NEGR1: variants seen among roughly 807,000 people sequenced by gnomAD.
NEGR1 encodes the protein IgLON family member 4.
NEGR1 carries 10 observed loss-of-function variants against 40.9 expected under a neutral mutation model. The observed-to-expected ratio is 0.24, with a 90% CI of 0.15 to 0.42. The LOEUF is 0.42. Among genes scored for constraint, NEGR1 ranks in the 10% least tolerant of loss-of-function variants. The pLI, the probability that NEGR1 is intolerant of heterozygous loss-of-function variation, is 1.00. For synonymous variants in NEGR1, 185 were observed against 166.8 expected (o/e 1.11, Z -0.84); for missense variants, 352 against 438.9 (o/e 0.80, Z 1.77).
chr1:71,523,671 C>T (rs1046102508), intron 6 of NEGR1, among the ~76,000 whole-genome samples: 26 of 151,884 alleles, frequency 1.7e-4, no homozygotes, highest in Admixed American at 4.6e-4. Flanking sequence ...AACAGGAAGG[C>T]TCTCCTGCCT....
chr1:71,754,958 G>A (rs1655684130), intron 3 of NEGR1, among the ~76,000 whole-genome samples: 1 of 152,078 alleles, frequency 6.6e-6, no homozygotes, highest in African/African-American at 2.4e-5. Context: ...GCCTGCTTGG[G>A]ACAGATTTAC....
rs372490571 is a variant in NEGR1 at position 71,509,161 on chromosome 1, A to T, written c.940+83656T>A. On this transcript the variant is annotated intron_variant, in intron 6 of 6. Coordinates refer to ENST00000357731, the MANE Select transcript of NEGR1 (RefSeq NM_173808.3). ...CCCTCAGGAAGAGTAACTGCTATGC[A>T]TGTGCTGTGAGATGACCTCAGCCAC... 1.8e-4 allele frequency among the ~76,000 whole-genome samples: 27 copies of T among 152,320 alleles called. No individual in the cohort carries two copies. In the South Asian group the frequency reaches 5.0e-3, roughly 28 times the overall value.
chr1:71,958,758 C>A (rs183336232), intron 1 of NEGR1, among the ~76,000 whole-genome samples: 98 of 152,122 alleles, frequency 6.4e-4, no homozygotes, highest in Non-Finnish European at 4.3e-4. Flanking sequence ...TTGAGACCGG[C>A]CTGGCCAACA....
chr1:71,886,794 G>T (rs1011006420), intron 2 of NEGR1, among the ~76,000 whole-genome samples: 2 of 152,150 alleles, frequency 1.3e-5, no homozygotes, highest in African/African-American at 4.8e-5. Context: ...ATAGGGAAGA[G>T]AGGGATGCTA....
Position 71,705,627 on chromosome 1 carries a change from G to C in NEGR1, c.536-7488C>G, listed in dbSNP as rs183421388. 9.2e-5 allele frequency among the ~76,000 whole-genome samples: 14 copies of C among 152,238 alleles called. No homozygotes were observed. The East Asian group carries it at 2.5e-3, about 27-fold the overall frequency. On this transcript the variant is annotated intron_variant, in intron 3 of 6. Transcript: ENST00000357731. ...CCCAGCTACTCAGGAGGCTGAGGTG[G>C]GAAAATGGCGCGAACCCAGGAGGCA...
At chr1:71,428,688 T>C (rs1646445460) in intron 6 of NEGR1, among the ~76,000 whole-genome samples, 1 of 149,912 alleles carries the variant, frequency 6.7e-6, no homozygotes, top group African/African-American at 2.4e-5. Context: ...TATTTTATTA[T>C]ATAAATTTAT....
chr1:72,263,086 G>T (rs1188249480), intron 1 of NEGR1, among the ~76,000 whole-genome samples: 1 of 151,590 alleles, frequency 6.6e-6, no homozygotes, highest in Non-Finnish European at 1.5e-5. Context: ...TCTGAGTGTA[G>T]AAGTCATCTA....
chr1:71,505,042 A>G (rs1166671032), intron 6 of NEGR1, among the ~76,000 whole-genome samples: 1 of 152,160 alleles, frequency 6.6e-6, no homozygotes, highest in African/African-American at 2.4e-5. Context: ...AACCAGGACA[A>G]GTAGTTTGCA....
chr1:72,145,689 G>A (rs1227104546), intron 1 of NEGR1, among the ~76,000 whole-genome samples: 1 of 152,008 alleles, frequency 6.6e-6, no homozygotes, highest in African/African-American at 2.4e-5. Flanking sequence ...GATATCCTAG[G>A]ATAATTGTTT....
chr1:71,738,300 G>T, intron 3 of NEGR1: 1 of 250,540 alleles, frequency 4.0e-6, no homozygotes, highest in Admixed American at 4.5e-5. Context: ...GCCCTGCCAT[G>T]CAGCTGAAAG....
intron 6 of NEGR1, among the ~76,000 whole-genome samples, chr1:71,533,828 G>A (rs1023963453): frequency 5.3e-5 from 8 of 151,496 alleles, no homozygotes; most frequent in African/African-American, 1.9e-4. Context: ...CAATGCTAAA[G>A]GATATTAACA....
intron 1 of NEGR1, among the ~76,000 whole-genome samples, chr1:72,068,473 C>A (rs899916446): frequency 6.6e-6 from 1 of 152,156 alleles, no homozygotes; most frequent in Non-Finnish European, 1.5e-5. Context: ...AAACCTTTCT[C>A]CTGCAAAAAC....
chr1:71,594,623 A>T (rs1157726336), intron 5 of NEGR1, among the ~76,000 whole-genome samples: 1 of 152,234 alleles, frequency 6.6e-6, no homozygotes, highest in African/African-American at 2.4e-5. Context: ...CTGACATAAG[A>T]TAATGGGGCA....
At chr1:71,584,674 G>A (rs192594794) in intron 6 of NEGR1, among the ~76,000 whole-genome samples, 176 of 152,214 alleles carry the variant, frequency 1.2e-3, no homozygotes, top group African/African-American at 3.6e-3. Context: ...CACAGTGCAC[G>A]CTTGATAAGT....
At chr1:71,798,460 A>G (rs570531364) in intron 2 of NEGR1, among the ~76,000 whole-genome samples, 5 of 152,364 alleles carry the variant, frequency 3.3e-5, no homozygotes, top group Admixed American at 1.3e-4. Context: ...ATGTAATAAA[A>G]GAACAGGATA....
chr1:71,990,282 C>T (rs772028273), intron 1 of NEGR1, among the ~76,000 whole-genome samples: 5 of 152,046 alleles, frequency 3.3e-5, no homozygotes, highest in Admixed American at 6.6e-5. Context: ...TTTGCTGAAG[C>T]GCCTCAACAA....
intron 4 of NEGR1, among the ~76,000 whole-genome samples, chr1:71,634,706 A>T (rs1017076801): frequency 6.6e-6 from 1 of 152,126 alleles, no homozygotes; most frequent in African/African-American, 2.4e-5. Context: ...GAGTCACTCC[A>T]CATTACTGTG....
intron 4 of NEGR1, among the ~76,000 whole-genome samples, chr1:71,645,212 A>G (rs1377229932): frequency 6.6e-6 from 1 of 152,012 alleles, no homozygotes. Flanking sequence ...TTTTAGAGGA[A>G]CCACACACTT....
intron 6 of NEGR1, among the ~76,000 whole-genome samples, chr1:71,524,589 A>C (rs1377953371): frequency 6.6e-6 from 1 of 151,622 alleles, no homozygotes; most frequent in Non-Finnish European, 1.5e-5. Flanking sequence ...TGTAGAAAAA[A>C]GGAAGTATTT....
Sources: allele counts gnomAD v4.1 joint callset (sites outside exome capture counted in the v4.1 genomes callset), GRCh38; gene constraint gnomAD v4.1.1; transcripts MANE v1.5; gene names NCBI Gene and HGNC (gene_info 2026-07-23, HGNC 2026-07-21).